The following NUDT3 variants were observed in gnomAD, a reference collection of about 807,000 sequenced individuals.
The protein encoded by NUDT3 is diphosphoinositol polyphosphate phosphohydrolase 1.
A neutral mutation model predicts 23.6 loss-of-function variants in NUDT3; 9 were observed. The ratio of observed to expected loss-of-function variants is 0.38; its 90% confidence interval spans 0.23 to 0.66. NUDT3 has a LOEUF of 0.66. Ranked by LOEUF, NUDT3 falls within the 30% of genes least tolerant of loss-of-function variation. The pLI is 0.52. For missense variants in NUDT3, 172 were observed against 218.5 expected (o/e 0.79, Z 1.34); for synonymous variants, 86 against 82.6 (o/e 1.04, Z -0.22).
intron 2 of NUDT3, among the ~76,000 whole-genome samples, chr6:34,332,577 G>GTTGA (rs1764144581): frequency 6.6e-6 from 1 of 152,182 alleles, no homozygotes; most frequent in African/African-American, 2.4e-5. Context: ...TTGTTTAAGG[G>GTTGA]TCAACTGTAT....
intron 1 of NUDT3, among the ~76,000 whole-genome samples, chr6:34,384,050 T>C (rs928663080): frequency 2.0e-5 from 3 of 152,180 alleles, no homozygotes; most frequent in African/African-American, 4.8e-5. Context: ...GTCATGATTA[T>C]TGCCTCTGGG....
chr6:34,345,974 G>A (rs1764362676), intron 1 of NUDT3, among the ~76,000 whole-genome samples: 2 of 151,718 alleles, frequency 1.3e-5, no homozygotes, highest in Non-Finnish European at 2.9e-5. Flanking sequence ...TCTCCATGTT[G>A]GTCAGGCTGG....
intron 2 of NUDT3, among the ~76,000 whole-genome samples, chr6:34,334,208 G>A (rs1486021560): frequency 6.6e-6 from 1 of 152,236 alleles, no homozygotes; most frequent in Non-Finnish European, 1.5e-5. Context: ...CATTTGGAGA[G>A]TATGTCTATT....
Position 34,350,477 on chromosome 6 carries a change from G to A in NUDT3, c.100-8505C>T, listed in dbSNP as rs1353264983. 4.6e-5 allele frequency among the ~76,000 whole-genome samples: 7 copies of A among 150,938 alleles called. 1 individual carries two copies. Among genetic ancestry groups the A allele is most frequent in the Non-Finnish European group, 1.0e-4 (7 of 67,846 alleles). On this transcript the variant is annotated intron_variant, in intron 1 of 4. Coordinates refer to ENST00000607016, the MANE Select transcript of NUDT3 (RefSeq NM_006703.4). ...TTGTTTGGATTCCAGATAAATGGAC[G>A]TATACTATATTTTACACAGTGTTTT...
chr6:34,341,715 A>T, intron 2 of NUDT3, 147 bp downstream of exon 2: 1 of 581,660 alleles, frequency 1.7e-6, no homozygotes, highest in Non-Finnish European at 2.8e-6. Context: ...ATCACCCGGT[A>T]ATAAAGGAGG....
chr6:34,331,944 A>G (rs1017508757), intron 2 of NUDT3, among the ~76,000 whole-genome samples: 1 of 152,078 alleles, frequency 6.6e-6, no homozygotes, highest in African/African-American at 2.4e-5. Context: ...TGGCACAATC[A>G]TGGCTCACTG....
At chr6:34,383,944 C>T (rs1433748931) in intron 1 of NUDT3, among the ~76,000 whole-genome samples, 2 of 152,102 alleles carry the variant, frequency 1.3e-5, no homozygotes, top group African/African-American at 2.4e-5. Flanking sequence ...GATCAATGAA[C>T]CCATCATGAT....
At chr6:34,335,943 G>C (rs1323160243) in intron 2 of NUDT3, among the ~76,000 whole-genome samples, 1 of 151,828 alleles carries the variant, frequency 6.6e-6, no homozygotes, top group African/African-American at 2.4e-5. Flanking sequence ...AGTATTTATG[G>C]AGTACAGTGA....
intron 1 of NUDT3, among the ~76,000 whole-genome samples, chr6:34,359,923 CTTG>C (rs144195619): frequency 0.058 from 8,835 of 152,192 alleles, 651 homozygotes; most frequent in African/African-American, 0.17. Flanking sequence ...CTCACTAACA[CTTG>C]TTATTTTCCA....
At chr6:34,327,537 A>G (rs563772255) in intron 2 of NUDT3, among the ~76,000 whole-genome samples, 5 of 152,100 alleles carry the variant, frequency 3.3e-5, no homozygotes, top group East Asian at 1.9e-4. Flanking sequence ...TCAAAAAAAA[A>G]AAAAAAAGAA....
intron 2 of NUDT3, among the ~76,000 whole-genome samples, chr6:34,299,501 T>C (rs1329003777): frequency 6.6e-6 from 1 of 152,030 alleles, no homozygotes; most frequent in Non-Finnish European, 1.5e-5. Context: ...CATAGCTCAC[T>C]GCAGCCTTGA....
At chr6:34,327,113 T>G (rs1764047407) in intron 2 of NUDT3, among the ~76,000 whole-genome samples, 1 of 151,710 alleles carries the variant, frequency 6.6e-6, no homozygotes, top group Non-Finnish European at 1.5e-5. Flanking sequence ...GGGTGAGTCA[T>G]CCAAATGATT....
At chr6:34,384,556 A>T (rs1765074142) in intron 1 of NUDT3, among the ~76,000 whole-genome samples, 1 of 152,192 alleles carries the variant, frequency 6.6e-6, no homozygotes, top group Non-Finnish European at 1.5e-5. Context: ...GGCTCTAAAA[A>T]AGGAAAGGCT....
chr6:34,313,651 T>A (rs1763809354), intron 2 of NUDT3, among the ~76,000 whole-genome samples: 1 of 151,182 alleles, frequency 6.6e-6, no homozygotes, highest in African/African-American at 2.4e-5. Flanking sequence ...TTGCTGTGAA[T>A]CTAAAACGGC....
chr6:34,316,579 T>C (rs765757140), intron 2 of NUDT3, among the ~76,000 whole-genome samples: 1 of 152,166 alleles, frequency 6.6e-6, no homozygotes, highest in African/African-American at 2.4e-5. Flanking sequence ...CTCAGTACCA[T>C]GGCATTTCTT....
intron 2 of NUDT3, among the ~76,000 whole-genome samples, chr6:34,329,078 T>C (rs1764086221): frequency 6.6e-6 from 1 of 152,128 alleles, no homozygotes; most frequent in African/African-American, 2.4e-5. Flanking sequence ...TACTCCCAAG[T>C]AGTCACAGAT....
Position 34,297,749 on chromosome 6 carries a change from ATATATATATAAT to A in NUDT3, c.211-2076_211-2065del, listed in dbSNP as rs1561899066. On this transcript the variant is annotated intron_variant, in intron 2 of 4. Transcript: ENST00000607016. ...AAAAAAAATATATATATATATATAT[ATATATATATAAT>A]TTTTTTTTTTTTTTTAGTAGAGACG... 1.9e-3 allele frequency among the ~76,000 whole-genome samples: 199 copies of A among 103,326 alleles called. 8 individuals carry two copies. The highest frequency in any genetic ancestry group is 8.2e-3 in the African/African-American group (190 of 23,118). 67.8% of individuals were successfully genotyped at this position (103,326 alleles called of 152,430 possible).
intron 2 of NUDT3, among the ~76,000 whole-genome samples, chr6:34,312,271 G>A (rs1381210849): frequency 1.3e-5 from 2 of 151,912 alleles, no homozygotes; most frequent in Non-Finnish European, 2.9e-5. Flanking sequence ...GTGTGGTGGT[G>A]CGCGCCTATA....
intron 2 of NUDT3, among the ~76,000 whole-genome samples, chr6:34,340,494 G>A (rs1764272036): frequency 6.6e-6 from 1 of 152,138 alleles, no homozygotes; most frequent in Non-Finnish European, 1.5e-5. Flanking sequence ...CATAGGTCAC[G>A]CAGCTATTAA....
Sources: allele counts gnomAD v4.1 joint callset (sites outside exome capture counted in the v4.1 genomes callset), GRCh38; gene constraint gnomAD v4.1.1; transcripts MANE v1.5; gene names NCBI Gene and HGNC (gene_info 2026-07-23, HGNC 2026-07-21).